Variants in AHSG observed in about 807,000 individuals in gnomAD.
The protein encoded by AHSG is alpha-2-HS-glycoprotein.
AHSG carries 23 observed loss-of-function variants against 30.1 expected under a neutral mutation model. The observed-to-expected ratio is 0.76, with a 90% CI of 0.55 to 1.08. The LOEUF is 1.08. AHSG is among the 50% of genes least tolerant of loss of function. The probability of loss-of-function intolerance (pLI) is 0.00; values close to 1 mark genes in which losing one functional copy is unlikely to be tolerated. For synonymous variants in AHSG, 164 were observed against 186.3 expected, an observed-to-expected ratio of 0.88 and a Z score of 0.98; for missense variants, 469 against 459.5, an observed-to-expected ratio of 1.02 and a Z score of -0.19.
At chr3:186,617,097 G>A in intron 3 of AHSG, 90 bp from the exon 4 acceptor site, 1 of 1,523,946 alleles carries the variant, frequency 6.6e-7, no homozygotes, top group Admixed American at 2.2e-5. Context: ...AAGCTATCTG[G>A]GGAATGCCTT....
chr3:186,616,132 G>A (rs1293108458), intron 2 of AHSG, among the ~76,000 whole-genome samples: 1 of 152,212 alleles, frequency 6.6e-6, no homozygotes, highest in Non-Finnish European at 1.5e-5. Context: ...GGGAGGTGGA[G>A]GTTGCAGTGA....
chr3:186,618,264 A>G (rs1212510333), intron 4 of AHSG, among the ~76,000 whole-genome samples: 1 of 152,110 alleles, frequency 6.6e-6, no homozygotes, highest in African/African-American at 2.4e-5. Context: ...CCGGTTTCCT[A>G]TCTGCAAACT....
At chr3:186,619,271 T>C (rs924699908) in intron 5 of AHSG, among the ~76,000 whole-genome samples, 3 of 152,076 alleles carry the variant, frequency 2.0e-5, no homozygotes, top group Non-Finnish European at 2.9e-5. Flanking sequence ...CACTCCAGCC[T>C]GGGCAACAGA....
At position 186,621,059 on chromosome 3, in the gene AHSG, A is replaced by C; in HGVS notation, c.*129A>C. The C allele has an allele frequency of 2.0e-5, 17 of 854,330 alleles. No homozygotes were observed. The highest frequency in any genetic ancestry group is 2.7e-5 in the Non-Finnish European group (15 of 557,156). 52.9% of individuals were successfully genotyped at this position (854,330 alleles called of 1,614,324 possible). ...GTCACATGCGATCTACATTAATATC[A>C]AGTCTTGACTCCCTACTTCCCGTCA... is the stretch of plus-strand genomic sequence containing the variant. On this transcript the variant is annotated 3_prime_UTR_variant, in exon 7 of 7. Transcript: ENST00000411641.
At chr3:186,617,404 T>C (rs1381603225) in intron 4 of AHSG, 54 bp downstream of exon 4, 2 of 1,613,644 alleles carry the variant, frequency 1.2e-6, no homozygotes, top group Admixed American at 1.7e-5. Flanking sequence ...ACTTCGGGAA[T>C]GTACTGTACG....
At chr3:186,619,517 A>G (rs1195238756) in intron 5 of AHSG, among the ~76,000 whole-genome samples, 1 of 152,184 alleles carries the variant, frequency 6.6e-6, no homozygotes, top group Non-Finnish European at 1.5e-5. Context: ...AAATGCTATT[A>G]TGGCAAGTGA....
At position 186,613,195 on chromosome 3, in the gene AHSG, A is replaced by G; in HGVS notation, c.54A>G (p.Ser18=). 2 of 1,614,038 alleles carry G rather than the reference A, an allele frequency of 1.2e-6. No individual in the cohort carries two copies. The highest frequency in any genetic ancestry group is 2.2e-5 in the South Asian group (2 of 91,086). ...LCLAQLWGCH[S]APHGPGLIYR... Reference sequence around the variant, plus strand: ...TTGCTCAGCTCTGGGGCTGCCACTCAGCCCCACATGGCCCAGGGCTGATTT... The same window carrying G: ...TTGCTCAGCTCTGGGGCTGCCACTCGGCCCCACATGGCCCAGGGCTGATTT... Residue 18 remains serine, a synonymous_variant, in exon 1 of 7, where the codon TCA becomes TCG. Coordinates refer to ENST00000411641, the MANE Select transcript of AHSG (RefSeq NM_001622.4).
At position 186,618,647 on chromosome 3, in the gene AHSG, C is replaced by A. The variant is rs74888869; in HGVS notation, c.675+10C>A. 1,247 of 1,613,410 alleles carry A rather than the reference C, an allele frequency of 7.7e-4. 15 individuals are homozygous for A. In the African/African-American group the frequency reaches 0.015, roughly 19 times the overall value. The stretch of plus-strand genomic sequence containing the variant: ...CCTGCTGGCAGAAAAGGTGAGTGGG[C>A]CGGGACCTTGGGGTGTTACCACTCG... On this transcript the variant is annotated intron_variant, in intron 5 of 6. Transcript: ENST00000411641.
rs1282991554 is a variant in AHSG, at chr3:186,617,218, A to C, written c.441A>C (p.Gln147His). 1.9e-6 allele frequency: 3 copies of C among 1,613,642 alleles called. No homozygotes were observed. In the African/African-American group the frequency reaches 4.0e-5, roughly 22 times the overall value. The change falls in exon 4 of 7, where the codon CAA becomes CAC. Residue 147 changes from glutamine (Q) to histidine (H), a missense_variant. Coordinates refer to ENST00000411641, the MANE Select transcript of AHSG (RefSeq NM_001622.4). Reference protein sequence around the residue: ...DSAEDVRKVCQDCPLLAPLND... With the variant: ...DSAEDVRKVCHDCPLLAPLND... ...CCGAGGACGTGCGCAAGGTGTGCCA[A>C]GACTGCCCCCTGCTGGCCCCGCTGA...
rs370640827 is a variant in AHSG, at chr3:186,620,978, C to T, written c.*48C>T. 2.6e-6 allele frequency: 4 copies of T among 1,563,178 alleles called. No individual in the cohort carries two copies. The highest frequency in any genetic ancestry group is 3.5e-6 in the Non-Finnish European group (4 of 1,146,910). On this transcript the variant is annotated 3_prime_UTR_variant, in exon 7 of 7. Coordinates refer to ENST00000411641, the MANE Select transcript of AHSG (RefSeq NM_001622.4). ...AGGTTTGGCACAGAAAACATAGCCA[C>T]CATTTTGTCCAAGCCTGGGCATGGG...
In AHSG at chr3:186,617,201, G is replaced by T. The variant is rs7633550; in HGVS notation, c.424G>T (p.Val142Leu). The change falls in exon 4 of 7, where the codon GTG becomes TTG. Residue 142 changes from valine (V) to leucine (L), a missense_variant. Physicochemically the swap from Val to Leu is conservative, Grantham distance 32. Transcript: ENST00000411641. ...TCTCCGAGCAGACTCAGCCGAGGAC[G>T]TGCGCAAGGTGTGCCAAGACTGCCC... ...CDSSPDSAED[V>L]RKVCQDCPLL... 7.6e-4 allele frequency: 1,220 copies of T among 1,612,028 alleles called. 6 individuals are homozygous for T. In the African/African-American group the frequency reaches 0.014, roughly 19 times the overall value.
In AHSG at chr3:186,620,056, A is replaced by C. The variant is rs1196906263; in HGVS notation, c.759+116A>C. On this transcript the variant is annotated intron_variant, in intron 6 of 6. Transcript: ENST00000411641. Reference sequence around the variant, plus strand: ...GCTCTCCTGTGCTTCTGAATCTCACAGTATGAAATAACACTGGGGTATGCG... The same window carrying C: ...GCTCTCCTGTGCTTCTGAATCTCACCGTATGAAATAACACTGGGGTATGCG... 8 of 698,070 alleles carry C rather than the reference A, an allele frequency of 1.1e-5. No homozygotes were observed. The East Asian group carries it at 2.2e-4, about 19-fold the overall frequency. The allele number at this position is 698,070 out of a possible 1,614,324, so 43.2% of individuals were successfully genotyped here.
chr3:186,619,718 T>C, intron 5 of AHSG, 139 bp from the exon 6 acceptor site: 1 of 628,800 alleles, frequency 1.6e-6, no homozygotes. Flanking sequence ...ATATATAGAA[T>C]CATATACCTC....
rs146594148 is a variant in AHSG, at chr3:186,615,735, C to T, written c.264C>T (p.Thr88=). 6.2e-7 allele frequency: 1 copy of T among 1,614,254 alleles called. No individual in the cohort carries two copies. Among genetic ancestry groups the T allele is most frequent in the Non-Finnish European group, 8.5e-7 (1 of 1,180,046 alleles). ...TTGAAATAGACACCCTGGAAACCACCTGCCATGTGCTGGACCCCACCCCTG... is the reference window on the plus strand; with the variant it reads ...TTGAAATAGACACCCTGGAAACCACTTGCCATGTGCTGGACCCCACCCCTG... The part of the protein sequence containing the change: ...FEIEIDTLET[T]CHVLDPTPVA... Residue 88 remains threonine (T), a synonymous_variant, in exon 2 of 7, where the codon ACC becomes ACT. Transcript: ENST00000411641.
At chr3:186,614,409 G>A (rs1716234424) in intron 1 of AHSG, among the ~76,000 whole-genome samples, 1 of 152,184 alleles carries the variant, frequency 6.6e-6, no homozygotes, top group Admixed American at 6.5e-5. Flanking sequence ...GTGCCCACAA[G>A]AGCTTACAAT....
chr3:186,613,477 C>T, intron 1 of AHSG, 123 bp downstream of exon 1: 1 of 963,282 alleles, frequency 1.0e-6, no homozygotes, highest in South Asian at 1.7e-5. Flanking sequence ...CTGATTTCTT[C>T]CCAGGAGTGA....
At position 186,618,434 on chromosome 3, in the gene AHSG, A is replaced by C. The variant is rs535811336; in HGVS notation, c.574-102A>C. 17 of 1,545,204 alleles carry C rather than the reference A, an allele frequency of 1.1e-5. No individual in the cohort carries two copies. The East Asian group carries it at 3.9e-4, about 36-fold the overall frequency. On this transcript the variant is annotated intron_variant, in intron 4 of 6. Transcript: ENST00000411641. ...TCTTCTGGGCCGACGCATGGTCTGC[A>C]TGAATGGTGCTCCCCGAAGGAGGCT...
At chr3:186,619,593 T>C (rs866183872) in intron 5 of AHSG, among the ~76,000 whole-genome samples, 1 of 152,172 alleles carries the variant, frequency 6.6e-6, no homozygotes, top group Non-Finnish European at 1.5e-5. Context: ...TTTAATAGTA[T>C]TTTAAAATAA....
rs1211083338 is a variant in AHSG, at chr3:186,613,119, G to A, written c.-23G>A. On this transcript the variant is annotated 5_prime_UTR_variant, in exon 1 of 7. Transcript: ENST00000411641. ...GAAGCCTCCAACCACCTGCACGCCT[G>A]CCAGGGCCTCTCTGGGGCAGCCATG... is the stretch of plus-strand genomic sequence containing the variant. 1.4e-5 allele frequency: 22 copies of A among 1,612,712 alleles called. No individual in the cohort carries two copies. The highest frequency in any genetic ancestry group is 1.9e-5 in the Non-Finnish European group (22 of 1,179,272).
Sources: allele counts gnomAD v4.1 joint callset (sites outside exome capture counted in the v4.1 genomes callset), GRCh38; gene constraint gnomAD v4.1.1; transcripts MANE v1.5; gene names NCBI Gene and HGNC (gene_info 2026-07-23, HGNC 2026-07-21).